The following CLDN14 variants were observed in gnomAD, a reference collection of about 807,000 sequenced individuals.
CLDN14 encodes the protein claudin-14.
CLDN14 carries 2 observed loss-of-function variants against 2.1 expected under a neutral mutation model. That is an observed-to-expected ratio of 0.96 (90% CI 0.39 to 3.01). The LOEUF is 3.01. CLDN14 is among the 30% of genes most tolerant of loss of function. The pLI is 0.09. For missense variants in CLDN14, 298 were observed against 328.0 expected (o/e 0.91, Z 0.71); for synonymous variants, 136 against 154.4 (o/e 0.88, Z 0.88).
In CLDN14 at chr21:36,498,254, G is replaced by A. The variant is rs2087057456; in HGVS notation, c.-82+12109C>T. On this transcript the variant is annotated intron_variant, in intron 2 of 2. Coordinates refer to the CLDN14 transcript ENST00000342108. This position sits in a 1 kb window ranked among gnomAD's most constrained non-coding sequence, Gnocchi z 4.9. Reference sequence around the variant, plus strand: ...GACCTCAGGCGGTCCACCTGCCTTGGCCTCCCAAAGTGCTGGGATTATAGA... The same window carrying A: ...GACCTCAGGCGGTCCACCTGCCTTGACCTCCCAAAGTGCTGGGATTATAGA... Among the ~76,000 whole-genome samples, 1 of 152,162 alleles carries A rather than the reference G, an allele frequency of 6.6e-6. No individual in the cohort carries two copies. Among genetic ancestry groups the A allele is most frequent in the African/African-American group, 2.4e-5 (1 of 41,434 alleles).
At chr21:36,511,248 T>A (rs2087184663) in intron 1 of CLDN14, among the ~76,000 whole-genome samples, 1 of 152,202 alleles carries the variant, frequency 6.6e-6, no homozygotes, top group Admixed American at 6.5e-5. Flanking sequence ...CAGGTGTAGT[T>A]AAGCACACCC....
rs369562803 is a variant in CLDN14, at chr21:36,473,650, CTGTT to C, written c.-82+5841_-82+5844del. On this transcript the variant is annotated intron_variant, in intron 1 of 1. Transcript: ENST00000399135. The stretch of plus-strand genomic sequence containing the variant: ...CAGGGAGGGACTGAACTGGAGAAGT[CTGTT>C]TGTGTCACCACCGCATGGAGATGGG... Among the ~76,000 whole-genome samples, 910 of 152,218 alleles carry C rather than the reference CTGTT, an allele frequency of 6.0e-3. 7 individuals carry two copies. The highest frequency in any genetic ancestry group is 0.019 in the African/African-American group (800 of 41,520).
intron 1 of CLDN14, among the ~76,000 whole-genome samples, chr21:36,549,429 C>T (rs2087548670): frequency 6.6e-6 from 1 of 152,160 alleles, no homozygotes; most frequent in Non-Finnish European, 1.5e-5. Context: ...GGAGAAGGAG[C>T]GTGTGGCCCC....
At position 36,544,007 on chromosome 21, in the gene CLDN14, G is replaced by T. The variant is rs1426008934; in HGVS notation, c.-220+32404C>A. Among the ~76,000 whole-genome samples the T allele has an allele frequency of 6.6e-6, 1 of 152,248 alleles. No homozygotes were observed. The highest frequency in any genetic ancestry group is 1.5e-5 in the Non-Finnish European group (1 of 68,044). On this transcript the variant is annotated intron_variant, in intron 1 of 2. Transcript: ENST00000342108. The surrounding 1 kb of genome is among the most constrained non-coding windows in gnomAD (Gnocchi z 4.1). ...GATCCCCAAGGCTGCAGCCAGGGAA[G>T]CCTGTGTCATGGATTCAACCGTCTG...
intron 1 of CLDN14, among the ~76,000 whole-genome samples, chr21:36,575,159 T>C (rs1044368127): frequency 1.3e-5 from 2 of 152,238 alleles, no homozygotes; most frequent in Non-Finnish European, 2.9e-5. Context: ...CCGGTCATGC[T>C]GTTTGCTGTC....
At chr21:36,565,748 G>A (rs1032227349) in intron 1 of CLDN14, among the ~76,000 whole-genome samples, 2 of 152,126 alleles carry the variant, frequency 1.3e-5, no homozygotes, top group Admixed American at 1.3e-4. Flanking sequence ...ATAGTGCTGT[G>A]GAGTCTTCCA....
At chr21:36,502,003 C>G (rs2087095952) in intron 2 of CLDN14, among the ~76,000 whole-genome samples, 1 of 151,942 alleles carries the variant, frequency 6.6e-6, no homozygotes, top group African/African-American at 2.4e-5. Flanking sequence ...GTGCCCAAAC[C>G]CTGCACACTA....
chr21:36,547,889 T>C (rs1332634847), intron 1 of CLDN14, among the ~76,000 whole-genome samples: 1 of 152,212 alleles, frequency 6.6e-6, no homozygotes, highest in Non-Finnish European at 1.5e-5. Context: ...GTGACAGAAG[T>C]GAGGCAAACC....
chr21:36,485,148 A>T (rs1252752080), intron 2 of CLDN14, among the ~76,000 whole-genome samples: 2 of 151,682 alleles, frequency 1.3e-5, no homozygotes, highest in East Asian at 3.9e-4. Context: ...TCACCCACTG[A>T]CAGCCATATG....
chr21:36,493,208 TGTGAGAGGGGCC>T (rs2086986144), intron 2 of CLDN14, among the ~76,000 whole-genome samples: 1 of 152,098 alleles, frequency 6.6e-6, no homozygotes, highest in Non-Finnish European at 1.5e-5. Context: ...TGTGAGGGGC[TGTGAGAGGGGCC>T]TTCGTCCTGT....
intron 2 of CLDN14, among the ~76,000 whole-genome samples, chr21:36,496,714 GGAGGA>G: frequency 5.8e-5 from 3 of 51,708 alleles, no homozygotes; most frequent in Non-Finnish European, 1.2e-4. Context: ...AGGGAGGAGG[GGAGGA>G]AGGGAGGGAG....
chr21:36,575,860 A>G (rs79419590), intron 1 of CLDN14, among the ~76,000 whole-genome samples: 2,825 of 152,362 alleles, frequency 0.019, 33 homozygotes, highest in Non-Finnish European at 0.029. Context: ...AGATGAGCTC[A>G]TAGACCCTGT....
intron 1 of CLDN14, among the ~76,000 whole-genome samples, chr21:36,514,459 A>G (rs1402041018): frequency 6.6e-6 from 1 of 152,178 alleles, no homozygotes; most frequent in Non-Finnish European, 1.5e-5. Flanking sequence ...GCCAGAAGCA[A>G]TGATGGTTTC....
intron 1 of CLDN14, among the ~76,000 whole-genome samples, chr21:36,466,786 C>T (rs754546241): frequency 5.3e-5 from 8 of 152,174 alleles, no homozygotes; most frequent in South Asian, 2.1e-4. Flanking sequence ...TCCAAAGTCT[C>T]GTTTGAGACA....
At chr21:36,526,569 A>G (rs897599020) in intron 1 of CLDN14, 2 of 152,216 alleles carry the variant, frequency 1.3e-5, no homozygotes, top group African/African-American at 4.8e-5. Context: ...GAGATCGGAA[A>G]GTCCAGTAGA....
At chr21:36,529,875 A>C (rs2087365581) in intron 1 of CLDN14, among the ~76,000 whole-genome samples, 1 of 152,246 alleles carries the variant, frequency 6.6e-6, no homozygotes, top group African/African-American at 2.4e-5. Context: ...AGAACAACGT[A>C]GTGCTGTGTA....
chr21:36,574,197 A>G (rs914357801), intron 1 of CLDN14, among the ~76,000 whole-genome samples: 1 of 152,198 alleles, frequency 6.6e-6, no homozygotes, highest in African/African-American at 2.4e-5. Flanking sequence ...TACTGGCATA[A>G]AGACGGACAT....
intron 1 of CLDN14, among the ~76,000 whole-genome samples, chr21:36,518,229 T>C (rs1009892657): frequency 2.6e-5 from 4 of 152,200 alleles, no homozygotes; most frequent in African/African-American, 7.2e-5. Context: ...ATTCTACCTC[T>C]TTTTCAAATT....
chr21:36,525,896 G>T (rs1344707323), intron 1 of CLDN14, among the ~76,000 whole-genome samples: 2 of 152,150 alleles, frequency 1.3e-5, no homozygotes, highest in Non-Finnish European at 2.9e-5. Context: ...AGGCTGAGCG[G>T]GAGGATTGCT....
Sources: allele counts gnomAD v4.1 joint callset (sites outside exome capture counted in the v4.1 genomes callset), GRCh38; gene constraint gnomAD v4.1.1; non-coding constraint Gnocchi (gnomAD v3.1); transcripts MANE v1.5; gene names NCBI Gene and HGNC (gene_info 2026-07-23, HGNC 2026-07-21).